Variants in PLXNA1 observed in about 807,000 individuals in gnomAD.
PLXNA1 encodes the protein plexin A1, also known as plexin-A1.
In PLXNA1, 77 loss-of-function variants were observed where a neutral mutation model predicts 191.7. The observed-to-expected ratio is 0.40, with a 90% CI of 0.33 to 0.49. The LOEUF is 0.49. Among genes scored for constraint, PLXNA1 ranks in the 20% least tolerant of loss-of-function variants. The probability of loss-of-function intolerance (pLI) is 0.63; values close to 1 mark genes in which losing one functional copy is unlikely to be tolerated. For synonymous variants in PLXNA1, 1,137 were observed against 1,156.4 expected (o/e 0.98, Z 0.34); for missense variants, 2,110 against 2,660.2 (o/e 0.79, Z 4.55).
In PLXNA1 at chr3:127,016,543, T is replaced by C; in HGVS notation, c.3041T>C (p.Leu1014Pro). 1 of 1,613,802 alleles carries C rather than the reference T, an allele frequency of 6.2e-7. No homozygotes were observed. The highest frequency in any genetic ancestry group is 8.5e-7 in the Non-Finnish European group (1 of 1,179,940). The change falls in exon 16 of 32, where the codon CTG becomes CCG. Residue 1014 changes from leucine (L) to proline (P), a missense_variant. Physicochemically the swap from Leu to Pro is moderately conservative, Grantham distance 98. Transcript: ENST00000393409. ...AGGAACTCCCGTGAGATCCGGTGCC[T>C]GACACCCCCCGGGCAGAGCCCTGGC... is the stretch of plus-strand genomic sequence containing the variant. ...SWRNSREIRC[L>P]TPPGQSPGSA...
At chr3:127,007,972 A>C (rs921285664) in intron 9 of PLXNA1, 59 bp downstream of exon 9, 5 of 1,177,818 alleles carry the variant, frequency 4.2e-6, no homozygotes, top group Non-Finnish European at 6.2e-6. Context: ...CTGGGTTGAG[A>C]CATCCCATCT....
At position 127,022,357 on chromosome 3, in the gene PLXNA1, A is replaced by G; in HGVS notation, c.4295+16A>G. ...TACTGCGCCGGTGAGCCTGGGGGGC[A>G]CTGGGGTTGGGGGAGGCAGGCCCAT... On this transcript the variant is annotated intron_variant, in intron 22 of 31. Coordinates refer to ENST00000393409, the MANE Select transcript of PLXNA1 (RefSeq NM_032242.4). The G allele has an allele frequency of 1.9e-6, 3 of 1,602,068 alleles. No individual in the cohort carries two copies. The highest frequency in any genetic ancestry group is 2.6e-6 in the Non-Finnish European group (3 of 1,171,476).
At position 127,014,597 on chromosome 3, in the gene PLXNA1, C is replaced by T; in HGVS notation, c.2724C>T (p.Ser908=). The T allele has an allele frequency of 6.2e-7, 1 of 1,613,286 alleles. No homozygotes were observed. Among genetic ancestry groups the T allele is most frequent in the Non-Finnish European group, 8.5e-7 (1 of 1,179,860 alleles). The part of the protein sequence containing the change: ...LGVRVGKVLC[S]PVESEYISAE... Reference sequence around the variant, plus strand: ...TGCGCGTGGGCAAGGTGCTGTGCAGCCCTGTGGAGAGCGAGTACATCAGTG... The same window carrying T: ...TGCGCGTGGGCAAGGTGCTGTGCAGTCCTGTGGAGAGCGAGTACATCAGTG... Residue 908 remains serine, a synonymous_variant, in exon 13 of 32, where the codon AGC becomes AGT. Coordinates refer to ENST00000393409, the MANE Select transcript of PLXNA1 (RefSeq NM_032242.4).
Position 127,012,044 on chromosome 3 carries a change from A to G in PLXNA1, c.2199A>G (p.Pro733=), listed in dbSNP as rs774429069. The stretch of plus-strand genomic sequence containing the variant: ...TCACCCTGGCCGCACGGAACCTGCC[A>G]CAGCCACAGTCAGGCCAGCGTGGAT... ...KPITLAARNL[P]QPQSGQRGYE... Residue 733 remains proline, a synonymous_variant, in exon 10 of 32, where the codon CCA becomes CCG. Coordinates refer to ENST00000393409, the MANE Select transcript of PLXNA1 (RefSeq NM_032242.4). The G allele has an allele frequency of 7.4e-6, 12 of 1,613,600 alleles. No homozygotes were observed. Among genetic ancestry groups the G allele is most frequent in the Middle Eastern group, 1.7e-4 (1 of 6,058 alleles).
intron 9 of PLXNA1, among the ~76,000 whole-genome samples, chr3:127,008,943 A>G (rs913153474): frequency 1.3e-5 from 2 of 151,984 alleles, no homozygotes; most frequent in Non-Finnish European, 2.9e-5. Context: ...TGCCTATAAC[A>G]GTGGGTATGC....
At chr3:127,032,958 ACTC>A in intron 31 of PLXNA1, 122 bp downstream of exon 31, 1 of 1,032,482 alleles carries the variant, frequency 9.7e-7, no homozygotes, top group Non-Finnish European at 1.4e-6. Context: ...GACCACCTTC[ACTC>A]CTCTGCACCC....
In PLXNA1 at chr3:127,015,331, C is replaced by A. The variant is rs1350708503; in HGVS notation, c.3014+11C>A. Reference sequence around the variant, plus strand: ...CTGCTCCTTCTCCTGGTACGGGGTGCAGGTGGGGGTGGGGGCCTGGCTGCC... The same window carrying A: ...CTGCTCCTTCTCCTGGTACGGGGTGAAGGTGGGGGTGGGGGCCTGGCTGCC... On this transcript the variant is annotated intron_variant, in intron 15 of 31. Transcript: ENST00000393409. 1.9e-6 allele frequency: 3 copies of A among 1,576,890 alleles called. No individual in the cohort carries two copies. The highest frequency in any genetic ancestry group is 1.4e-5 in the African/African-American group (1 of 73,370).
chr3:127,023,734 G>A (rs1176455511), intron 23 of PLXNA1, among the ~76,000 whole-genome samples: 1 of 152,230 alleles, frequency 6.6e-6, no homozygotes, highest in Non-Finnish European at 1.5e-5. Flanking sequence ...GCGGAGTCCT[G>A]GCCAGACATC....
Position 126,993,728 on chromosome 3 carries a change from C to T in PLXNA1, c.1377+2162C>T, listed in dbSNP as rs144024404. Among the ~76,000 whole-genome samples, 173 of 152,286 alleles carry T rather than the reference C, an allele frequency of 1.1e-3. 1 individual carries two copies. Among genetic ancestry groups the T allele is most frequent in the African/African-American group, 3.9e-3 (163 of 41,558 alleles). Reference sequence around the variant, plus strand: ...TTGCTGGCCTGGCAGAGTCTGCAGTCGGGGACTTGGGTCTGAGTTTTGTTC... The same window carrying T: ...TTGCTGGCCTGGCAGAGTCTGCAGTTGGGGACTTGGGTCTGAGTTTTGTTC... On this transcript the variant is annotated intron_variant, in intron 3 of 31. Transcript: ENST00000393409.
chr3:126,984,218 G>C (rs1315831375), intron 1 of PLXNA1, among the ~76,000 whole-genome samples: 2 of 152,262 alleles, frequency 1.3e-5, no homozygotes, highest in South Asian at 2.1e-4. Flanking sequence ...GAGGGGCTCC[G>C]AGGGGCGGCC....
rs369302711 is a variant in PLXNA1, at chr3:127,014,178, A to C, written c.2411-4A>C. ...GCCCGAGCTGACCGCACCCCTCCCCACAGCGCACCTCTACAAGTGCCCGGC... is the reference window on the plus strand; with the variant it reads ...GCCCGAGCTGACCGCACCCCTCCCCCCAGCGCACCTCTACAAGTGCCCGGC... On this transcript the variant is annotated splice_region_variant and splice_polypyrimidine_tract_variant and intron_variant, in intron 11 of 31. Coordinates refer to ENST00000393409, the MANE Select transcript of PLXNA1 (RefSeq NM_032242.4). The C allele has an allele frequency of 2.8e-5, 45 of 1,611,004 alleles. No individual in the cohort carries two copies. In the African/African-American group the frequency reaches 5.6e-4, roughly 20 times the overall value.
Position 126,988,562 on chromosome 3 carries a change from C to T in PLXNA1, c.-32C>T. 1 of 1,452,172 alleles carries T rather than the reference C, an allele frequency of 6.9e-7. No homozygotes were observed. The highest frequency in any genetic ancestry group is 9.1e-7 in the Non-Finnish European group (1 of 1,104,088). The allele number at this position is 1,452,172 out of a possible 1,614,324, so 90.0% of individuals were successfully genotyped here. ...ACCATGATGCTCACCCCAGCAGGAC[C>T]AGAGCACCGAGGCCCAAGGCCCCAG... On this transcript the variant is annotated 5_prime_UTR_variant, in exon 2 of 32. Coordinates refer to ENST00000393409, the MANE Select transcript of PLXNA1 (RefSeq NM_032242.4).
chr3:126,998,530 C>G (rs2079025338), intron 3 of PLXNA1, among the ~76,000 whole-genome samples: 1 of 152,162 alleles, frequency 6.6e-6, no homozygotes, highest in Non-Finnish European at 1.5e-5. Context: ...GTGGTGCAGT[C>G]TATGGTGGTT....
intron 23 of PLXNA1, chr3:127,027,246 C>A: frequency 4.4e-6 from 1 of 226,176 alleles, no homozygotes; most frequent in Admixed American, 5.2e-5. Context: ...AGGCGGTTCT[C>A]ATGCTACAGC....
chr3:126,987,440 A>G (rs2078964907), intron 1 of PLXNA1, among the ~76,000 whole-genome samples: 1 of 152,098 alleles, frequency 6.6e-6, no homozygotes, highest in Non-Finnish European at 1.5e-5. Flanking sequence ...GAGGGAGCCG[A>G]GTACCCTGGC....
Position 127,014,725 on chromosome 3 carries a change from T to C in PLXNA1, c.2771T>C (p.Ile924Thr), listed in dbSNP as rs781145664. ...YISAEQIVCE[I>T]GDASSVRAHD... ...CCTGCCCACAGGATCGTCTGTGAGA[T>C]CGGGGACGCCAGCTCCGTGCGTGCC... The change falls in exon 14 of 32, where the codon ATC (isoleucine) becomes ACC (threonine). Residue 924 changes from isoleucine to threonine, a missense_variant. Ile to Thr is a moderately conservative substitution (Grantham distance 89). This residue lies in a region of PLXNA1 where 644 missense variants were observed against 714.3 expected (regional missense o/e 0.90). Transcript: ENST00000393409. 1.1e-5 allele frequency: 17 copies of C among 1,611,710 alleles called. No homozygotes were observed. Among genetic ancestry groups the C allele is most frequent in the Non-Finnish European group, 1.4e-5 (17 of 1,179,668 alleles).
At position 127,035,627 on chromosome 3, in the gene PLXNA1, G is replaced by A. The variant is rs998084984; in HGVS notation, c.*1610G>A. On this transcript the variant is annotated 3_prime_UTR_variant, in exon 32 of 32. Coordinates refer to ENST00000393409, the MANE Select transcript of PLXNA1 (RefSeq NM_032242.4). ...ATGTTTTTTAATTAATCAGTCACTT[G>A]TAAAAGCAAACAAGCGGTCCATCCC... 6.6e-6 allele frequency: 1 copy of A among 152,616 alleles called. No individual in the cohort carries two copies. Among genetic ancestry groups the A allele is most frequent in the African/African-American group, 2.4e-5 (1 of 41,442 alleles). 9.5% of individuals were successfully genotyped at this position (152,616 alleles called of 1,614,324 possible). A position where few individuals can be genotyped will look rare whatever the true frequency, so the allele number is the denominator to read the frequency against.
Position 127,016,996 on chromosome 3 carries a change from C to A in PLXNA1, c.3235C>A (p.Pro1079Thr), listed in dbSNP as rs2079127167. 1.2e-6 allele frequency: 2 copies of A among 1,613,414 alleles called. No individual in the cohort carries two copies. Among genetic ancestry groups the A allele is most frequent in the African/African-American group, 2.7e-5 (2 of 74,924 alleles). The change falls in exon 17 of 32, where the codon CCC (proline) becomes ACC (threonine). Residue 1079 changes from proline (P) to threonine (T), a missense_variant. By Grantham distance (38) the Pro-to-Thr change is conservative. Coordinates refer to ENST00000393409, the MANE Select transcript of PLXNA1 (RefSeq NM_032242.4). The part of the protein sequence containing the change: ...TGTNLATVRE[P>T]RIRAKYGGIE... The stretch of plus-strand genomic sequence containing the variant: ...CACCAACCTGGCCACTGTCCGTGAA[C>A]CCCGAATCCGGGCCAAGTATGGAGG...
intron 1 of PLXNA1, among the ~76,000 whole-genome samples, chr3:126,985,334 AG>A (rs887381115): frequency 9.9e-5 from 15 of 151,914 alleles, no homozygotes; most frequent in African/African-American, 3.6e-4. Context: ...CTCCCTGGCT[AG>A]CCCCATCGGC....
Sources: gnomAD v4.1 joint callset for allele counts (sites outside exome capture counted in the v4.1 genomes callset) on GRCh38, gnomAD v4.1.1 for gene constraint, gnomAD v4.1.1 regional missense constraint, MANE v1.5 for transcripts, NCBI Gene and HGNC (gene_info 2026-07-23, HGNC 2026-07-21) for gene names.